Variants in ALG6 observed in about 807,000 individuals in gnomAD.
ALG6 encodes the protein ALG6 alpha-1,3-glucosyltransferase.
A neutral mutation model predicts 66.6 loss-of-function variants in ALG6; 46 were observed. That is an observed-to-expected ratio of 0.69 (90% CI 0.55 to 0.88). The LOEUF is 0.88. ALG6 is among the 40% of genes least tolerant of loss of function. ALG6 has a pLI of 0.00. For missense variants in ALG6, 505 were observed against 586.8 expected (o/e 0.86, Z 1.44); for synonymous variants, 185 against 203.7 (o/e 0.91, Z 0.78).
At chr1:63,395,128 T>C (rs575470605) in intron 2 of ALG6, among the ~76,000 whole-genome samples, 3 of 152,250 alleles carry the variant, frequency 2.0e-5, no homozygotes, top group East Asian at 1.9e-4. Context: ...CCTCCCAAAG[T>C]GCTGGGATTA....
At chr1:63,403,892 C>T (rs922187434) in intron 4 of ALG6, among the ~76,000 whole-genome samples, 5 of 152,168 alleles carry the variant, frequency 3.3e-5, no homozygotes, top group Admixed American at 1.3e-4. Flanking sequence ...TGTCGTTATG[C>T]GGTGTCGTTA....
chr1:63,371,089 ACG>A, intron 2 of ALG6, 30 bp downstream of exon 2: 1 of 1,514,332 alleles, frequency 6.6e-7, no homozygotes, highest in Non-Finnish European at 9.2e-7. Flanking sequence ...TAAAAAAAAA[ACG>A]AAATTTTCCT....
intron 7 of ALG6, among the ~76,000 whole-genome samples, chr1:63,409,913 T>C (rs1644508043): frequency 6.6e-6 from 1 of 152,304 alleles, no homozygotes; most frequent in Admixed American, 6.5e-5. Flanking sequence ...CAGAAAAATA[T>C]GCCCTCTTTT....
chr1:63,415,808 C>T (rs1301879089), intron 10 of ALG6, 65 bp from the exon 11 acceptor site: 7 of 956,272 alleles, frequency 7.3e-6, no homozygotes, highest in African/African-American at 5.1e-5. Context: ...AAAATATTTC[C>T]TTATTTAAGC....
At chr1:63,377,907 G>GT (rs1480974286) in intron 2 of ALG6, among the ~76,000 whole-genome samples, 2 of 151,964 alleles carry the variant, frequency 1.3e-5, no homozygotes, top group Non-Finnish European at 2.9e-5. Flanking sequence ...CTAAATATAT[G>GT]TTTTTTTATT....
At chr1:63,431,128 A>G (rs1644643103) in intron 14 of ALG6, among the ~76,000 whole-genome samples, 1 of 152,110 alleles carries the variant, frequency 6.6e-6, no homozygotes, top group African/African-American at 2.4e-5. Flanking sequence ...CTCTTGTTGA[A>G]AATCAGTTGT....
At chr1:63,435,260 G>T (rs1328401455) in intron 14 of ALG6, among the ~76,000 whole-genome samples, 1 of 152,170 alleles carries the variant, frequency 6.6e-6, no homozygotes, top group Non-Finnish European at 1.5e-5. Flanking sequence ...ACTGACTCAA[G>T]ATCGTGGTAT....
At chr1:63,417,996 G>A (rs1210608346) in intron 11 of ALG6, among the ~76,000 whole-genome samples, 3 of 151,936 alleles carry the variant, frequency 2.0e-5, no homozygotes, top group Admixed American at 6.6e-5. Context: ...TTTGCCAGGC[G>A]TCGTGGTTCA....
chr1:63,404,327 G>A, intron 4 of ALG6, 126 bp from the exon 5 acceptor site: 1 of 808,128 alleles, frequency 1.2e-6, no homozygotes, highest in Non-Finnish European at 2.2e-6. Context: ...CTTAAGCATT[G>A]ACTCTGTTGC....
rs1644696616 is a variant in ALG6 at position 63,438,069 on chromosome 1, A to AAGAT, written c.*1052_*1055dup. ...TTAAGGAATATATTTCTTCTTTCAT[A>AAGAT]AGATAGCCATTAAACTATATTAAGT... On this transcript the variant is annotated 3_prime_UTR_variant, in exon 15 of 15. Transcript: ENST00000263440. 6.6e-6 allele frequency: 1 copy of AAGAT among 152,188 alleles called. No homozygotes were observed. Among genetic ancestry groups the AAGAT allele is most frequent in the African/African-American group, 2.4e-5 (1 of 41,446 alleles). 9.4% of individuals were successfully genotyped at this position (152,188 alleles called of 1,614,324 possible).
intron 12 of ALG6, among the ~76,000 whole-genome samples, chr1:63,420,375 AACATG>A (rs1644567177): frequency 6.6e-6 from 1 of 152,146 alleles, no homozygotes; most frequent in African/African-American, 2.4e-5. Flanking sequence ...ATTACTTTCA[AACATG>A]TATTAATATA....
At chr1:63,384,144 A>G (rs2100392646) in intron 2 of ALG6, among the ~76,000 whole-genome samples, 1 of 152,244 alleles carries the variant, frequency 6.6e-6, no homozygotes, top group Non-Finnish European at 1.5e-5. Context: ...TTTTCAATAT[A>G]TGGATTTCCT....
intron 1 of ALG6, among the ~76,000 whole-genome samples, chr1:63,368,961 C>G (rs551433429): frequency 6.6e-6 from 1 of 152,230 alleles, no homozygotes; most frequent in African/African-American, 2.4e-5. Flanking sequence ...CTCTGGGCAC[C>G]CCTCCCAACC....
chr1:63,368,924 G>C (rs112753945), intron 1 of ALG6, among the ~76,000 whole-genome samples: 5,112 of 152,158 alleles, frequency 0.034, 279 homozygotes, highest in African/African-American at 0.11. Context: ...AATCAAGAAG[G>C]AAGATTCACA....
Position 63,437,169 on chromosome 1 carries a change from G to C in ALG6, c.*149G>C, listed in dbSNP as rs1644688975. 2.8e-6 allele frequency: 2 copies of C among 724,326 alleles called. No individual in the cohort carries two copies. The highest frequency in any genetic ancestry group is 1.8e-5 in the African/African-American group (1 of 56,300). The allele number at this position is 724,326 out of a possible 1,614,324, so 44.9% of individuals were successfully genotyped here. A position where few individuals can be genotyped will look rare whatever the true frequency, so the allele number is the denominator to read the frequency against. ...AAGGAAATGGTGAAAAGTCATTGTTGTCTACACAAAATAAATGTATATGGA... is the reference window on the plus strand; with the variant it reads ...AAGGAAATGGTGAAAAGTCATTGTTCTCTACACAAAATAAATGTATATGGA... On this transcript the variant is annotated 3_prime_UTR_variant, in exon 15 of 15. Coordinates refer to ENST00000263440, the MANE Select transcript of ALG6 (RefSeq NM_013339.4).
intron 10 of ALG6, among the ~76,000 whole-genome samples, chr1:63,415,124 G>C (rs1322429801): frequency 6.6e-6 from 1 of 152,124 alleles, no homozygotes; most frequent in East Asian, 1.9e-4. Context: ...TTCCCTTGTA[G>C]CCCACCCTAA....
Position 63,428,998 on chromosome 1 carries a change from G to T in ALG6, c.1198G>T (p.Ala400Ser). Residue 400 changes from alanine (A) to serine (S), a missense_variant, in exon 14 of 15, where the codon GCT becomes TCT. Physicochemically the swap from Ala to Ser is moderately conservative, Grantham distance 99. Transcript: ENST00000263440. ...SVVTTMAFFI[A>S]CVTSFSIFEK... ...TGTGACAACAATGGCATTTTTTATA[G>T]CTTGTGTAACTTCCTTTTCAATATT... 1 of 1,612,300 alleles carries T rather than the reference G, an allele frequency of 6.2e-7. No homozygotes were observed. The highest frequency in any genetic ancestry group is 8.5e-7 in the Non-Finnish European group (1 of 1,179,442).
intron 12 of ALG6, among the ~76,000 whole-genome samples, chr1:63,427,404 A>T (rs1347495264): frequency 2.6e-5 from 4 of 152,118 alleles, no homozygotes; most frequent in African/African-American, 9.7e-5. Context: ...CTTCTGGGAA[A>T]GGGGGAGAAT....
rs535393092 is a variant in ALG6, at chr1:63,374,113, G to T, written c.82+3054G>T. Among the ~76,000 whole-genome samples the T allele has an allele frequency of 4.6e-5, 7 of 152,126 alleles. No homozygotes were observed. In the East Asian group the frequency reaches 1.3e-3, roughly 29 times the overall value. Reference sequence around the variant, plus strand: ...GAGACAACCAATAAATGACAACTGGGATTCAAATATAGTTGTATTTAATTC... The same window carrying T: ...GAGACAACCAATAAATGACAACTGGTATTCAAATATAGTTGTATTTAATTC... On this transcript the variant is annotated intron_variant, in intron 2 of 14. Coordinates refer to ENST00000263440, the MANE Select transcript of ALG6 (RefSeq NM_013339.4).
Sources: allele counts gnomAD v4.1 joint callset (sites outside exome capture counted in the v4.1 genomes callset), GRCh38; gene constraint gnomAD v4.1.1; transcripts MANE v1.5; gene names NCBI Gene and HGNC (gene_info 2026-07-23, HGNC 2026-07-21).